Variants in CECR2 observed in about 807,000 individuals in gnomAD.
CECR2 encodes the protein chromatin remodeling regulator CECR2.
In CECR2, 30 loss-of-function variants were observed where a neutral mutation model predicts 154.5. The ratio of observed to expected loss-of-function variants is 0.19; its 90% CI spans 0.15 to 0.26. CECR2 has a LOEUF of 0.26. Among genes scored for constraint, CECR2 ranks in the 10% least tolerant of loss-of-function variants. The pLI is 1.00. For synonymous variants in CECR2, 725 were observed against 683.7 expected, an observed-to-expected ratio of 1.06 and a Z score of -0.94; for missense variants, 1,743 against 1,829.3, an observed-to-expected ratio of 0.95 and a Z score of 0.86.
At chr22:17,360,361 G>A (rs1407107927) in intron 1 of CECR2, among the ~76,000 whole-genome samples, 1 of 152,120 alleles carries the variant, frequency 6.6e-6, no homozygotes, top group Non-Finnish European at 1.5e-5. Context: ...GTACAACATC[G>A]TGAGACACCA....
At chr22:17,487,327 C>G (rs1013827607) in intron 2 of CECR2, among the ~76,000 whole-genome samples, 1 of 152,190 alleles carries the variant, frequency 6.6e-6, no homozygotes, top group African/African-American at 2.4e-5. Flanking sequence ...ATAGGAACTT[C>G]TGATTTGCTC....
At chr22:17,540,906 A>ATTT in intron 14 of CECR2, 106 bp downstream of exon 14, 3 of 1,232,238 alleles carry the variant, frequency 2.4e-6, no homozygotes, top group Non-Finnish European at 3.3e-6. Flanking sequence ...ACGTGTATGT[A>ATTT]TGGAATCTTT....
At chr22:17,387,730 A>G (rs1466445985) in intron 1 of CECR2, among the ~76,000 whole-genome samples, 6 of 152,176 alleles carry the variant, frequency 3.9e-5, no homozygotes, top group African/African-American at 1.4e-4. Flanking sequence ...TGCCCTTTCA[A>G]TCACAGCACG....
intron 1 of CECR2, among the ~76,000 whole-genome samples, chr22:17,386,878 T>G (rs1415729517): frequency 6.6e-6 from 1 of 152,288 alleles, no homozygotes; most frequent in East Asian, 1.9e-4. Context: ...CTCGAACTCC[T>G]GAACTCAGGT....
intron 2 of CECR2, among the ~76,000 whole-genome samples, chr22:17,492,355 A>G (rs2055547127): frequency 6.6e-6 from 1 of 152,174 alleles, no homozygotes; most frequent in African/African-American, 2.4e-5. Context: ...GCAGATATTA[A>G]CAATGTGTTG....
At chr22:17,432,981 G>A (rs1323579306) in intron 1 of CECR2, among the ~76,000 whole-genome samples, 1 of 152,116 alleles carries the variant, frequency 6.6e-6, no homozygotes, top group Non-Finnish European at 1.5e-5. Flanking sequence ...CATTCTGTAT[G>A]GTGTTTTTCC....
At chr22:17,529,591 TCGGGAGGCTGAGG>T (rs2146983846) in intron 9 of CECR2, among the ~76,000 whole-genome samples, 1 of 151,902 alleles carries the variant, frequency 6.6e-6, no homozygotes, top group African/African-American at 2.4e-5. Flanking sequence ...TCCCAGCTAC[TCGGGAGGCTGAGG>T]CGGGAGAATG....
intron 7 of CECR2, among the ~76,000 whole-genome samples, chr22:17,507,598 A>G (rs2055870386): frequency 6.6e-6 from 1 of 152,158 alleles, no homozygotes; most frequent in African/African-American, 2.4e-5. Context: ...GGATAGAAGA[A>G]TTAAGGGGAA....
At chr22:17,490,619 T>C (rs1317179399) in intron 2 of CECR2, among the ~76,000 whole-genome samples, 1 of 151,710 alleles carries the variant, frequency 6.6e-6, no homozygotes, top group Non-Finnish European at 1.5e-5. Context: ...TTTATTTTTA[T>C]TTTTTATTTT....
chr22:17,472,909 G>T (rs957472825), intron 1 of CECR2, among the ~76,000 whole-genome samples: 5 of 152,166 alleles, frequency 3.3e-5, no homozygotes, highest in African/African-American at 9.6e-5. Flanking sequence ...TTGCCGAAGT[G>T]CAGAATGGTA....
rs181526671 is a variant in CECR2, at chr22:17,537,320, C to A, written c.1238+88C>A. The A allele has an allele frequency of 2.4e-5, 36 of 1,482,860 alleles. No homozygotes were observed. In the Middle Eastern group the frequency reaches 1.0e-3, roughly 43 times the overall value. The allele number at this position is 1,482,860 out of a possible 1,614,324, so 91.9% of individuals were successfully genotyped here. ...CACTTGCCCCATGTCATCCTTAGAA[C>A]AGCCCTGTTGGGTAACATGGTCACC... On this transcript the variant is annotated intron_variant, in intron 10 of 18. Transcript: ENST00000262608.
intron 1 of CECR2, among the ~76,000 whole-genome samples, chr22:17,390,551 T>C (rs1421192357): frequency 2.0e-5 from 3 of 152,250 alleles, no homozygotes; most frequent in African/African-American, 7.2e-5. Context: ...ACATCACAGT[T>C]GCCAGATTCC....
intron 6 of CECR2, among the ~76,000 whole-genome samples, 185 bp downstream of exon 6, chr22:17,503,316 A>G (rs2055774227): frequency 1.3e-5 from 2 of 152,170 alleles, no homozygotes; most frequent in Non-Finnish European, 2.9e-5. Flanking sequence ...TCATCTGACT[A>G]AGGATTAAGA....
intron 1 of CECR2, among the ~76,000 whole-genome samples, chr22:17,429,079 T>G (rs1332263002): frequency 6.6e-6 from 1 of 152,010 alleles, no homozygotes; most frequent in African/African-American, 2.4e-5. Flanking sequence ...AGGGTTGGGA[T>G]TTTGCATGGA....
At chr22:17,513,350 T>C (rs1405202015) in intron 8 of CECR2, among the ~76,000 whole-genome samples, 1 of 152,236 alleles carries the variant, frequency 6.6e-6, no homozygotes, top group Non-Finnish European at 1.5e-5. Context: ...CTGGACCATG[T>C]CTTTGAATTG....
intron 1 of CECR2, among the ~76,000 whole-genome samples, chr22:17,416,609 C>G (rs1447974051): frequency 6.6e-6 from 1 of 152,166 alleles, no homozygotes; most frequent in Non-Finnish European, 1.5e-5. Context: ...TCAAGCAATT[C>G]CCATGCCTCA....
rs146086117 is a variant in CECR2 at position 17,467,934 on chromosome 22, G to A, written c.127-9654G>A. On this transcript the variant is annotated intron_variant, in intron 1 of 18. Transcript: ENST00000262608. ...TTGAGACCATGAGCTGATGTGAAATGTGTTCTGTTTTTGCATATATGGTCT... is the reference window on the plus strand; with the variant it reads ...TTGAGACCATGAGCTGATGTGAAATATGTTCTGTTTTTGCATATATGGTCT... Among the ~76,000 whole-genome samples, 761 of 152,316 alleles carry A rather than the reference G, an allele frequency of 5.0e-3. 9 individuals carry two copies. The highest frequency in any genetic ancestry group is 0.018 in the African/African-American group (729 of 41,572).
intron 1 of CECR2, among the ~76,000 whole-genome samples, chr22:17,428,882 A>G (rs1407607147): frequency 6.6e-6 from 1 of 151,100 alleles, no homozygotes; most frequent in African/African-American, 2.4e-5. Context: ...GTGGTGGGGT[A>G]ATGTGCTCAA....
intron 9 of CECR2, among the ~76,000 whole-genome samples, chr22:17,525,897 G>A (rs920887247): frequency 2.6e-5 from 4 of 151,984 alleles, no homozygotes; most frequent in Admixed American, 6.6e-5. Context: ...TGCCTGTATT[G>A]TAGTCCCATC....
Sources: allele counts gnomAD v4.1 joint callset (sites outside exome capture counted in the v4.1 genomes callset), GRCh38; gene constraint gnomAD v4.1.1; transcripts MANE v1.5; gene names NCBI Gene and HGNC (gene_info 2026-07-23, HGNC 2026-07-21).